The following TMEM132D variants were observed in gnomAD, a reference collection of about 807,000 sequenced individuals.
TMEM132D encodes the protein mature OL transmembrane protein.
Under a neutral mutation model 62.3 loss-of-function variants are expected in TMEM132D, and 21 were observed. The observed-to-expected ratio is 0.34, with a 90% CI of 0.24 to 0.49. TMEM132D has a LOEUF of 0.49. TMEM132D is among the 20% of genes least tolerant of loss of function. TMEM132D has a pLI of 0.99. For missense variants in TMEM132D, 1,346 were observed against 1,402.8 expected, an observed-to-expected ratio of 0.96 and a Z score of 0.65; for synonymous variants, 621 against 575.6, an observed-to-expected ratio of 1.08 and a Z score of -1.13.
At chr12:129,433,226 C>T (rs980706901) in intron 3 of TMEM132D, among the ~76,000 whole-genome samples, 1 of 152,220 alleles carries the variant, frequency 6.6e-6, no homozygotes, top group Admixed American at 6.5e-5. Flanking sequence ...CATTCTTGCC[C>T]ATGTCTTTGG....
chr12:129,762,717 C>A (rs1870424001), intron 1 of TMEM132D, among the ~76,000 whole-genome samples: 1 of 152,060 alleles, frequency 6.6e-6, no homozygotes, highest in African/African-American at 2.4e-5. Context: ...GTTTCTAGAG[C>A]CTTTAAACAT....
At chr12:129,359,501 T>C (rs1273030038) in intron 3 of TMEM132D, among the ~76,000 whole-genome samples, 2 of 152,238 alleles carry the variant, frequency 1.3e-5, no homozygotes, top group African/African-American at 2.4e-5. Context: ...ATAGCTTGTT[T>C]ATGCGCAGTT....
chr12:129,587,011 T>C (rs1471086319), intron 2 of TMEM132D, among the ~76,000 whole-genome samples: 1 of 152,130 alleles, frequency 6.6e-6, no homozygotes, highest in South Asian at 2.1e-4. Flanking sequence ...ATAAAATAAG[T>C]TGGAAAATGC....
At chr12:129,434,586 G>A in intron 3 of TMEM132D, among the ~76,000 whole-genome samples, 1 of 152,204 alleles carries the variant, frequency 6.6e-6, no homozygotes, top group East Asian at 1.9e-4. Flanking sequence ...GAGGCTCCCA[G>A]AGGAGGTAAG....
At chr12:129,519,417 T>G (rs3912893) in intron 3 of TMEM132D, among the ~76,000 whole-genome samples, 36,643 of 152,148 alleles carry the variant, frequency 0.24, 5,261 homozygotes, top group Non-Finnish European at 0.32. Flanking sequence ...TTTCAGAGTT[T>G]TATTAAGGAA....
intron 2 of TMEM132D, among the ~76,000 whole-genome samples, chr12:129,550,317 T>C (rs1359325682): frequency 6.6e-6 from 1 of 152,198 alleles, no homozygotes; most frequent in Non-Finnish European, 1.5e-5. Flanking sequence ...AAGATGAGGA[T>C]TAATTCCTCT....
chr12:129,372,338 G>T (rs1189921237), intron 3 of TMEM132D, among the ~76,000 whole-genome samples: 2 of 152,196 alleles, frequency 1.3e-5, no homozygotes, highest in African/African-American at 4.8e-5. Context: ...TAGGAACTGG[G>T]CCACAAGGTA....
intron 3 of TMEM132D, among the ~76,000 whole-genome samples, chr12:129,415,986 G>A (rs539964406): frequency 4.6e-5 from 7 of 152,316 alleles, no homozygotes; most frequent in African/African-American, 1.4e-4. Context: ...GTACTGAGGT[G>A]CATGGTGTCT....
intron 4 of TMEM132D, among the ~76,000 whole-genome samples, chr12:129,325,659 G>A (rs1024014637): frequency 1.3e-5 from 2 of 152,100 alleles, no homozygotes; most frequent in African/African-American, 4.8e-5. Context: ...TTCACCTTCT[G>A]GTAGTTGCTG....
intron 1 of TMEM132D, among the ~76,000 whole-genome samples, chr12:129,826,338 G>A (rs1444538338): frequency 6.6e-6 from 1 of 152,178 alleles, no homozygotes; most frequent in Non-Finnish European, 1.5e-5. Flanking sequence ...AAACCGCCTA[G>A]AGGTGTCGTA....
intron 3 of TMEM132D, among the ~76,000 whole-genome samples, chr12:129,370,604 C>T (rs1022689353): frequency 3.9e-5 from 6 of 152,174 alleles, no homozygotes; most frequent in Non-Finnish European, 5.9e-5. Flanking sequence ...GACTTCTATT[C>T]ACAATAGCGA....
intron 3 of TMEM132D, among the ~76,000 whole-genome samples, chr12:129,458,771 A>G (rs778483052): frequency 6.6e-6 from 1 of 152,164 alleles, no homozygotes; most frequent in Non-Finnish European, 1.5e-5. Context: ...CGCCGAAGAC[A>G]GGGAAGGAAC....
At chr12:129,570,390 A>C (rs1877479005) in intron 2 of TMEM132D, among the ~76,000 whole-genome samples, 1 of 152,224 alleles carries the variant, frequency 6.6e-6, no homozygotes, top group South Asian at 2.1e-4. Flanking sequence ...AGATAGCCTG[A>C]GACAAGGATT....
intron 3 of TMEM132D, among the ~76,000 whole-genome samples, chr12:129,449,392 A>AT (rs1354689756): frequency 2.0e-5 from 3 of 152,192 alleles, no homozygotes; most frequent in African/African-American, 7.2e-5. Flanking sequence ...TCAGCTTCTA[A>AT]TCACCGTGCA....
chr12:129,686,719 C>T (rs1880929818), intron 2 of TMEM132D, among the ~76,000 whole-genome samples: 1 of 152,184 alleles, frequency 6.6e-6, no homozygotes, highest in South Asian at 2.1e-4. Context: ...GGGAGAACTT[C>T]CTAAAGCCAC....
At chr12:129,723,728 C>T (rs779806366) in intron 1 of TMEM132D, among the ~76,000 whole-genome samples, 16 of 152,196 alleles carry the variant, frequency 1.1e-4, no homozygotes, top group Non-Finnish European at 1.8e-4. Flanking sequence ...TTCTTTAATC[C>T]TGTCAACATC....
chr12:129,534,296 G>A (rs1876316997), intron 2 of TMEM132D, among the ~76,000 whole-genome samples: 1 of 152,126 alleles, frequency 6.6e-6, no homozygotes, highest in South Asian at 2.1e-4. Context: ...ATGGGGGAAA[G>A]CCATAATTTT....
intron 5 of TMEM132D, among the ~76,000 whole-genome samples, chr12:129,121,105 GT>G (rs111790705): frequency 9.9e-5 from 15 of 151,420 alleles, no homozygotes; most frequent in African/African-American, 3.6e-4. Flanking sequence ...TTATTTATTT[GT>G]TTTTTTTGAG....
At chr12:129,631,237 T>A (rs1879338306) in intron 2 of TMEM132D, among the ~76,000 whole-genome samples, 1 of 152,198 alleles carries the variant, frequency 6.6e-6, no homozygotes, top group South Asian at 2.1e-4. Context: ...TACTGCGTCT[T>A]TCTCTTTCAT....
Sources: gnomAD v4.1 joint callset for allele counts (sites outside exome capture counted in the v4.1 genomes callset) on GRCh38, gnomAD v4.1.1 for gene constraint, MANE v1.5 for transcripts, NCBI Gene and HGNC (gene_info 2026-07-23, HGNC 2026-07-21) for gene names.